ACTR3B: variants seen among roughly 807,000 people sequenced by gnomAD.
ACTR3B encodes the protein actin-related protein 3B.
A neutral mutation model predicts 59.0 loss-of-function variants in ACTR3B; 8 were observed. The ratio of observed to expected loss-of-function variants is 0.14; its 90% CI spans 0.08 to 0.24. The LOEUF (loss-of-function observed/expected upper bound fraction) is 0.24. Ranked by LOEUF, ACTR3B falls within the 10% of genes least tolerant of loss-of-function variation. The probability of loss-of-function intolerance (pLI) is 1.00; values close to 1 mark genes in which losing one functional copy is unlikely to be tolerated. For synonymous variants in ACTR3B, 148 were observed against 197.9 expected (o/e 0.75, Z 2.12); for missense variants, 245 against 552.3 (o/e 0.44, Z 5.58).
intron 9 of ACTR3B, among the ~76,000 whole-genome samples, chr7:152,830,962 A>T (rs1343628710): frequency 1.3e-5 from 2 of 152,248 alleles, no homozygotes; most frequent in African/African-American, 4.8e-5. Context: ...TAGGTCTTTT[A>T]TTCAGATGAA....
intron 1 of ACTR3B, among the ~76,000 whole-genome samples, chr7:152,763,306 T>G (rs2098096335): frequency 1.2e-5 from 1 of 86,524 alleles, no homozygotes; most frequent in African/African-American, 4.8e-5. Flanking sequence ...AGAGCGAGAC[T>G]CCATCTCAAA....
At chr7:152,813,448 A>C (rs1456477424) in intron 4 of ACTR3B, 2 of 152,240 alleles carry the variant, frequency 1.3e-5, no homozygotes, top group Non-Finnish European at 2.9e-5. Context: ...TTATTGTTTT[A>C]AAATAGATAC....
intron 1 of ACTR3B, among the ~76,000 whole-genome samples, chr7:152,780,983 T>C (rs577435508): frequency 2.1e-4 from 32 of 152,004 alleles, no homozygotes; most frequent in African/African-American, 6.5e-4. Flanking sequence ...CCCCATTTTA[T>C]AGTAACTGAC....
chr7:152,777,548 T>C (rs535613680), intron 1 of ACTR3B, among the ~76,000 whole-genome samples: 179 of 152,380 alleles, frequency 1.2e-3, no homozygotes, highest in African/African-American at 4.0e-3. Context: ...GACAGGGTAG[T>C]TGTTGATTTC....
rs756388974 is a variant in ACTR3B, at chr7:152,814,624, A to G, written c.411A>G (p.Pro137=). The change falls in exon 5 of 12, where the codon CCA becomes CCG. Residue 137 remains proline, a synonymous_variant. Transcript: ENST00000256001. The part of the protein sequence containing the change: ...AEIMFESFNV[P]GLYIAVQAVL... ...TTATGTTTGAATCATTTAACGTACC[A>G]GGACTCTACATTGCAGTTCAGGTAA... 1.2e-6 allele frequency: 2 copies of G among 1,613,728 alleles called. No homozygotes were observed. Among genetic ancestry groups the G allele is most frequent in the South Asian group, 1.1e-5 (1 of 91,060 alleles).
chr7:152,801,167 C>T (rs1334920071), intron 3 of ACTR3B, among the ~76,000 whole-genome samples: 1 of 152,274 alleles, frequency 6.6e-6, no homozygotes, highest in Non-Finnish European at 1.5e-5. Flanking sequence ...GCAGCCTCGA[C>T]CTCCTGAGCT....
At chr7:152,768,799 C>G (rs1224667057) in intron 1 of ACTR3B, among the ~76,000 whole-genome samples, 1 of 151,454 alleles carries the variant, frequency 6.6e-6, no homozygotes, top group Non-Finnish European at 1.5e-5. Flanking sequence ...TTTATAAGTT[C>G]TGAGTTTAAT....
At chr7:152,777,501 G>A (rs1334351132) in intron 1 of ACTR3B, among the ~76,000 whole-genome samples, 2 of 152,150 alleles carry the variant, frequency 1.3e-5, no homozygotes, top group African/African-American at 4.8e-5. Context: ...GCCATTCTGA[G>A]TGGGATGTTT....
At chr7:152,778,943 C>CAAAAAAAAAAA (rs59789390) in intron 1 of ACTR3B, among the ~76,000 whole-genome samples, 4 of 36,826 alleles carry the variant, frequency 1.1e-4, no homozygotes, top group African/African-American at 1.3e-4. Context: ...ACTGTGTCTC[C>CAAAAAAAAAAA]AAAAAAAAAA....
At chr7:152,763,994 T>C (rs1378479227) in intron 1 of ACTR3B, among the ~76,000 whole-genome samples, 1 of 151,938 alleles carries the variant, frequency 6.6e-6, no homozygotes, top group Non-Finnish European at 1.5e-5. Flanking sequence ...CTGACTCCCA[T>C]GTTCTTTATT....
chr7:152,788,853 C>A (rs1268283202), intron 2 of ACTR3B, among the ~76,000 whole-genome samples: 4 of 152,144 alleles, frequency 2.6e-5, no homozygotes, highest in Non-Finnish European at 4.4e-5. Flanking sequence ...GAAACCTTGT[C>A]TCTACTAAAA....
chr7:152,810,484 A>G (rs1795134989), intron 4 of ACTR3B, among the ~76,000 whole-genome samples: 2 of 147,654 alleles, frequency 1.4e-5, no homozygotes, highest in African/African-American at 2.5e-5. Context: ...TGCAGTGACT[A>G]TTCACAGGTG....
At chr7:152,820,579 C>A (rs1796066790) in intron 7 of ACTR3B, 137 bp downstream of exon 7, 1 of 1,437,044 alleles carries the variant, frequency 7.0e-7, no homozygotes, top group African/African-American at 1.4e-5. Flanking sequence ...ATTTGTTTTA[C>A]CCCTTAAGTG....
chr7:152,850,907 A>G (rs1798752474), intron 9 of ACTR3B, among the ~76,000 whole-genome samples: 1 of 152,214 alleles, frequency 6.6e-6, no homozygotes, highest in South Asian at 2.1e-4. Context: ...GGGAAGAGCT[A>G]ACATATTTAG....
intron 1 of ACTR3B, among the ~76,000 whole-genome samples, chr7:152,768,695 C>T (rs1427180552): frequency 2.0e-5 from 3 of 151,994 alleles, no homozygotes; most frequent in Admixed American, 6.6e-5. Context: ...AGGCTGGTCT[C>T]GAACCCCTGA....
At position 152,854,256 on chromosome 7, in the gene ACTR3B, T is replaced by C. The variant is rs1039835163; in HGVS notation, c.1162-202T>C. ...CGGCATTTGGTTGGTCCTAAGAAGA[T>C]ACAGGCTGATGAAATTTCTAAAAAG... On this transcript the variant is annotated intron_variant, in intron 11 of 11. Coordinates refer to ENST00000256001, the MANE Select transcript of ACTR3B (RefSeq NM_020445.6). This position sits in a 1 kb window ranked among gnomAD's most constrained non-coding sequence, Gnocchi z 4.9. Among the ~76,000 whole-genome samples the C allele has an allele frequency of 1.3e-5, 2 of 152,196 alleles. No homozygotes were observed. The highest frequency in any genetic ancestry group is 2.9e-5 in the Non-Finnish European group (2 of 68,046).
intron 9 of ACTR3B, among the ~76,000 whole-genome samples, chr7:152,842,573 T>TC (rs397713312): frequency 2.6e-5 from 1 of 38,164 alleles, no homozygotes; most frequent in East Asian, 2.4e-3. Flanking sequence ...GCGTGTTCTC[T>TC]GTTTCCGGCT....
Position 152,796,860 on chromosome 7 carries a change from G to GTTTTTT in ACTR3B, c.101-3638_101-3633dup, listed in dbSNP as rs779909545. ...GTTGGGACTCCCGGCTAGTTTTTGT[G>GTTTTTT]TTTTTTTTTTTTTTTTTTTTTTTTT... On this transcript the variant is annotated intron_variant, in intron 2 of 11. Transcript: ENST00000256001. Among the ~76,000 whole-genome samples the GTTTTTT allele has an allele frequency of 6.8e-4, 37 of 54,748 alleles. 2 individuals carry two copies. Among genetic ancestry groups the GTTTTTT allele is most frequent in the Admixed American group, 8.8e-4 (3 of 3,394 alleles). 35.9% of individuals were successfully genotyped at this position (54,748 alleles called of 152,430 possible). A position where few individuals can be genotyped will look rare whatever the true frequency, so the allele number is the denominator to read the frequency against.
intron 1 of ACTR3B, among the ~76,000 whole-genome samples, chr7:152,761,946 GACA>G (rs1239431414): frequency 1.3e-5 from 2 of 152,156 alleles, no homozygotes; most frequent in Non-Finnish European, 2.9e-5. Context: ...CTTCCTGTCT[GACA>G]ACATCATAAG....
Sources: gnomAD v4.1 joint callset for allele counts (sites outside exome capture counted in the v4.1 genomes callset) on GRCh38, gnomAD v4.1.1 for gene constraint, Gnocchi (gnomAD v3.1) non-coding constraint, MANE v1.5 for transcripts, NCBI Gene and HGNC (gene_info 2026-07-23, HGNC 2026-07-21) for gene names.